Variants in SECISBP2 observed in about 807,000 individuals in gnomAD.
SECISBP2 encodes the protein SECIS binding protein 2.
Under a neutral mutation model 98.2 loss-of-function variants are expected in SECISBP2, and 96 were observed. The observed-to-expected ratio is 0.98, with a 90% CI of 0.83 to 1.16. The LOEUF is 1.16. SECISBP2 is among the 50% of genes most tolerant of loss of function. The probability of loss-of-function intolerance (pLI) is 0.00; values close to 1 mark genes in which losing one functional copy is unlikely to be tolerated. For synonymous variants in SECISBP2, 407 were observed against 370.2 expected (o/e 1.10, Z -1.14); for missense variants, 1,046 against 1,022.9 (o/e 1.02, Z -0.31).
chr9:89,328,202 G>GTAC (rs990294903), intron 4 of SECISBP2, among the ~76,000 whole-genome samples: 57 of 152,204 alleles, frequency 3.7e-4, no homozygotes, highest in Non-Finnish European at 4.4e-4. Flanking sequence ...CGAGTATTAT[G>GTAC]TACAGTACAT....
At chr9:89,338,022 T>G (rs56169902) in intron 7 of SECISBP2, among the ~76,000 whole-genome samples, 37 of 152,304 alleles carry the variant, frequency 2.4e-4, no homozygotes, top group African/African-American at 8.7e-4. Context: ...CATTTAGCAG[T>G]CCTGGGATGG....
chr9:89,341,579 A>G (rs558725159), intron 10 of SECISBP2, 100 bp downstream of exon 10: 524 of 1,397,540 alleles, frequency 3.7e-4, no homozygotes, highest in Non-Finnish European at 4.1e-4. Flanking sequence ...ATTTATAGAT[A>G]AAACAGTGTG....
Position 89,341,405 on chromosome 9 carries a change from G to T in SECISBP2, c.1361G>T (p.Gly454Val), listed in dbSNP as rs778674187. Residue 454 changes from glycine (G) to valine (V), a missense_variant, in exon 10 of 17, where the codon GGC (glycine) becomes GTC (valine). Transcript: ENST00000375807. ...SQLPVQLDLG[G>V]MLTALEKKQH... is the part of the protein sequence containing the mutation. ...CTTCCAGTGCAGTTGGACTTGGGGG[G>T]CATGCTGACAGCCCTGGAGAAGAAG... 1 of 1,613,982 alleles carries T rather than the reference G, an allele frequency of 6.2e-7. No individual in the cohort carries two copies. The highest frequency in any genetic ancestry group is 8.5e-7 in the Non-Finnish European group (1 of 1,179,896).
chr9:89,342,567 A>G (rs1257163776), intron 10 of SECISBP2, among the ~76,000 whole-genome samples: 1 of 152,232 alleles, frequency 6.6e-6, no homozygotes, highest in Admixed American at 6.5e-5. Context: ...TGGTATACCT[A>G]CACAATGTAA....
intron 5 of SECISBP2, chr9:89,329,869 C>T (rs1037906097): frequency 3.3e-5 from 5 of 152,150 alleles, no homozygotes; most frequent in African/African-American, 7.2e-5. Context: ...CAACACGCTA[C>T]TTCTAACATG....
intron 2 of SECISBP2, chr9:89,324,455 G>C (rs1826337619): frequency 6.6e-6 from 1 of 152,260 alleles, no homozygotes; most frequent in African/African-American, 2.4e-5. Flanking sequence ...CTGGATAGAA[G>C]TGAAAGCAGT....
At chr9:89,336,994 G>A (rs1005775129) in intron 7 of SECISBP2, among the ~76,000 whole-genome samples, 3 of 151,868 alleles carry the variant, frequency 2.0e-5, no homozygotes, top group Admixed American at 6.6e-5. Flanking sequence ...GGGTGGTCTC[G>A]AACTCCTGAC....
chr9:89,366,111 G>A, the SECISBP2 span, among the ~76,000 whole-genome samples: 1 of 152,186 alleles, frequency 6.6e-6, no homozygotes, highest in Non-Finnish European at 1.5e-5. Flanking sequence ...GGGGCCACAA[G>A]TCACTCATTC....
rs1056756692 is a variant in SECISBP2, at chr9:89,357,946, C to T, written c.2269-53C>T. Reference sequence around the variant, plus strand: ...GGTGGCCATTGCTGAGTTTGAGGGACCCGTGTCCTCTGTAGCTGGGATGTT... The same window carrying T: ...GGTGGCCATTGCTGAGTTTGAGGGATCCGTGTCCTCTGTAGCTGGGATGTT... On this transcript the variant is annotated intron_variant, in intron 15 of 16. Coordinates refer to ENST00000375807, the MANE Select transcript of SECISBP2 (RefSeq NM_024077.5). The T allele has an allele frequency of 3.2e-5, 51 of 1,594,150 alleles. No individual in the cohort carries two copies. In the African/African-American group the frequency reaches 6.0e-4, roughly 19 times the overall value.
intron 10 of SECISBP2, among the ~76,000 whole-genome samples, chr9:89,345,201 C>T (rs1830247107): frequency 6.6e-6 from 1 of 152,236 alleles, no homozygotes; most frequent in Non-Finnish European, 1.5e-5. Context: ...CCCCACTGGC[C>T]TGGCCCTGTC....
downstream of SECISBP2, chr9:89,361,757 G>A (rs1231904868): frequency 6.5e-6 from 1 of 153,332 alleles, no homozygotes; most frequent in Admixed American, 6.4e-5. Flanking sequence ...GTATTCTGAG[G>A]TTAGTGAAGA....
At chr9:89,342,657 TTAGC>T (rs766232116) in intron 10 of SECISBP2, among the ~76,000 whole-genome samples, 60 of 152,276 alleles carry the variant, frequency 3.9e-4, no homozygotes, top group Admixed American at 1.8e-3. Flanking sequence ...CCATATAAAA[TTAGC>T]TAGACACAGA....
At chr9:89,362,263 C>G (rs549927879), downstream of SECISBP2, 106 of 1,456,572 alleles carry the variant, frequency 7.3e-5, 1 homozygote, top group African/African-American at 1.3e-3. Flanking sequence ...GGTGGTGGCC[C>G]AATGGCTGTG....
At chr9:89,347,413 A>G (rs1343941175) in intron 11 of SECISBP2, among the ~76,000 whole-genome samples, 1 of 150,594 alleles carries the variant, frequency 6.6e-6, no homozygotes, top group East Asian at 1.9e-4. Flanking sequence ...TGAATAATGC[A>G]CACTTCTTGC....
intron 14 of SECISBP2, 74 bp from the exon 15 acceptor site, chr9:89,357,337 C>G: frequency 1.0e-5 from 16 of 1,536,230 alleles, no homozygotes; most frequent in Non-Finnish European, 1.4e-5. Context: ...TAAGAAAAAG[C>G]TCTTTGCAAC....
rs1421759737 is a variant in SECISBP2, at chr9:89,356,316, G to A, written c.2114-1095G>A. 4.6e-5 allele frequency among the ~76,000 whole-genome samples: 7 copies of A among 152,226 alleles called. No individual in the cohort carries two copies. In the East Asian group the frequency reaches 1.2e-3, roughly 25 times the overall value. ...ATCTTCCCCTGTCCGTGGAAAAATT[G>A]TCTTCCACGAAACCAGTCCCTGGTG... On this transcript the variant is annotated intron_variant, in intron 14 of 16. Transcript: ENST00000375807.
At chr9:89,338,106 A>G (rs985698593) in intron 7 of SECISBP2, among the ~76,000 whole-genome samples, 7 of 152,202 alleles carry the variant, frequency 4.6e-5, no homozygotes, top group African/African-American at 1.7e-4. Context: ...ATGAGGAACG[A>G]CTGGGTCGTG....
chr9:89,340,537 A>T (rs1336460377), intron 9 of SECISBP2, among the ~76,000 whole-genome samples: 1 of 152,236 alleles, frequency 6.6e-6, no homozygotes, highest in African/African-American at 2.4e-5. Context: ...TTGTTTTCGC[A>T]TTCATGAAAA....
intron 14 of SECISBP2, among the ~76,000 whole-genome samples, chr9:89,351,435 A>G (rs1831270473): frequency 6.6e-6 from 1 of 151,994 alleles, no homozygotes; most frequent in African/African-American, 2.4e-5. Context: ...CTCCTGGAGG[A>G]CTTGCCTGTG....
Sources: allele counts gnomAD v4.1 joint callset (sites outside exome capture counted in the v4.1 genomes callset), GRCh38; gene constraint gnomAD v4.1.1; transcripts MANE v1.5; gene names NCBI Gene and HGNC (gene_info 2026-07-23, HGNC 2026-07-21).